Variants in AXDND1 observed in about 807,000 individuals in gnomAD.
AXDND1 encodes axonemal dynein light chain domain-containing protein 1.
A neutral mutation model predicts 137.5 loss-of-function variants in AXDND1; 110 were observed. The ratio of observed to expected loss-of-function variants is 0.80; its 90% CI spans 0.69 to 0.94. AXDND1 has a LOEUF of 0.94. Among genes scored for constraint, AXDND1 ranks in the 40% least tolerant of loss-of-function variants. The pLI, the probability that AXDND1 is intolerant of heterozygous loss-of-function variation, is 0.00. For missense variants in AXDND1, 1,191 were observed against 1,169.8 expected (o/e 1.02, Z -0.26); for synonymous variants, 414 against 399.7 (o/e 1.04, Z -0.43).
intron 16 of AXDND1, among the ~76,000 whole-genome samples, chr1:179,458,043 G>A (rs1661676126): frequency 1.4e-5 from 2 of 147,392 alleles, no homozygotes; most frequent in African/African-American, 5.1e-5. Context: ...AGGCCTGAGT[G>A]TAGTGGTATG....
At chr1:179,372,506 AG>A (rs1182202721) in intron 4 of AXDND1, among the ~76,000 whole-genome samples, 26 of 152,288 alleles carry the variant, frequency 1.7e-4, no homozygotes, top group South Asian at 1.0e-3. Flanking sequence ...CTGAAGAACG[AG>A]TTGGAGAATT....
At chr1:179,457,990 C>CTTTTTT (rs34295838) in intron 16 of AXDND1, among the ~76,000 whole-genome samples, 3,743 of 145,540 alleles carry the variant, frequency 0.026, 182 homozygotes, top group African/African-American at 0.09. Flanking sequence ...CTTTCCTTCT[C>CTTTTTT]TTTTTTTTTT....
At chr1:179,508,311 G>A (rs1240392797) in intron 20 of AXDND1, among the ~76,000 whole-genome samples, 1 of 146,418 alleles carries the variant, frequency 6.8e-6, no homozygotes, top group Admixed American at 7.0e-5. Flanking sequence ...ACTCTAGCCT[G>A]GGCAACAGAG....
At chr1:179,440,050 A>G (rs568907898) in intron 15 of AXDND1, among the ~76,000 whole-genome samples, 1 of 152,302 alleles carries the variant, frequency 6.6e-6, no homozygotes, top group East Asian at 1.9e-4. Flanking sequence ...TATCATTTGT[A>G]CCAGGAGTCA....
chr1:179,465,690 C>T (rs946158579), intron 16 of AXDND1, among the ~76,000 whole-genome samples: 2 of 152,212 alleles, frequency 1.3e-5, no homozygotes, highest in Non-Finnish European at 2.9e-5. Flanking sequence ...TTTCTGCTGC[C>T]TTTTGTTCAG....
intron 9 of AXDND1, among the ~76,000 whole-genome samples, chr1:179,389,221 C>G (rs1649737885): frequency 2.0e-5 from 3 of 152,162 alleles, no homozygotes; most frequent in Admixed American, 6.5e-5. Flanking sequence ...GGTCTGCCCA[C>G]TTCAGCCCCA....
chr1:179,506,956 AT>A, intron 20 of AXDND1: 1 of 938,950 alleles, frequency 1.1e-6, no homozygotes, highest in Non-Finnish European at 1.3e-6. Context: ...TTCCTTCCTT[AT>A]GGGGGGATCT....
chr1:179,520,767 C>T (rs9425845), intron 21 of AXDND1, among the ~76,000 whole-genome samples: 10 of 150,656 alleles, frequency 6.6e-5, no homozygotes, highest in South Asian at 4.2e-4. Context: ...TTATTTTGTA[C>T]GTTTCTTATT....
intron 20 of AXDND1, among the ~76,000 whole-genome samples, chr1:179,495,250 A>G (rs1667325638): frequency 1.3e-5 from 2 of 152,124 alleles, no homozygotes; most frequent in South Asian, 4.1e-4. Flanking sequence ...TGAGATTTTA[A>G]TTGATATTAT....
intron 25 of AXDND1, chr1:179,552,561 C>A: frequency 6.6e-7 from 1 of 1,507,484 alleles, no homozygotes; most frequent in South Asian, 1.1e-5. Context: ...CACGAGCAGG[C>A]CTTCCTAAAG....
intron 11 of AXDND1, among the ~76,000 whole-genome samples, chr1:179,409,949 C>T (rs1653605452): frequency 6.6e-6 from 1 of 151,548 alleles, no homozygotes; most frequent in Admixed American, 6.6e-5. Context: ...GAGATTGTTT[C>T]TGGATTTTTT....
chr1:179,501,035 A>G (rs1667946202), intron 20 of AXDND1, among the ~76,000 whole-genome samples: 1 of 152,234 alleles, frequency 6.6e-6, no homozygotes, highest in African/African-American at 2.4e-5. Flanking sequence ...AGTGCTTAAT[A>G]GTACATGTTG....
At chr1:179,482,688 TA>T (rs894952065) in intron 17 of AXDND1, among the ~76,000 whole-genome samples, 1 of 151,980 alleles carries the variant, frequency 6.6e-6, no homozygotes, top group Non-Finnish European at 1.5e-5. Context: ...TTAGAGGCTT[TA>T]AGTGGTGTAT....
chr1:179,534,736 T>G lies in AXDND1; in HGVS notation c.2805T>G (p.Val935=), dbSNP rs757133169. 1 of 1,576,274 alleles carries G rather than the reference T, an allele frequency of 6.3e-7. No individual in the cohort carries two copies. The highest frequency in any genetic ancestry group is 2.2e-5 in the East Asian group (1 of 44,652). Residue 935 remains valine, a synonymous_variant, in exon 25 of 26, where the codon GTT becomes GTG. Transcript: ENST00000367618. ...IEHMQEKLLE[V]ENRARQAEEK... ...GTCTTCTCTTCCATATCAGGGAGGTTGAAAATAGAGCCAGACAGGCAGAGG... is the reference window on the plus strand; with the variant it reads ...GTCTTCTCTTCCATATCAGGGAGGTGGAAAATAGAGCCAGACAGGCAGAGG...
At chr1:179,452,818 G>C (rs1285463650) in intron 16 of AXDND1, 5 of 151,824 alleles carry the variant, frequency 3.3e-5, no homozygotes. Flanking sequence ...GAGACCATGG[G>C]GAAAATGTCT....
chr1:179,457,397 A>G, intron 16 of AXDND1: 1 of 384,364 alleles, frequency 2.6e-6, no homozygotes, highest in South Asian at 4.5e-5. Context: ...CAGAAAGGCA[A>G]GACAGTTTTA....
chr1:179,521,926 A>AT (rs1371631342), intron 21 of AXDND1, among the ~76,000 whole-genome samples: 1 of 151,846 alleles, frequency 6.6e-6, no homozygotes, highest in Non-Finnish European at 1.5e-5. Flanking sequence ...TCTTCTCTCT[A>AT]TTTTTAAGGT....
At chr1:179,449,355 G>A (rs1660205764) in intron 16 of AXDND1, 1 of 294,150 alleles carries the variant, frequency 3.4e-6, no homozygotes, top group Non-Finnish European at 6.7e-6. Context: ...GGCTTATTTT[G>A]TAGTCTTAAG....
chr1:179,430,452 G>C lies in AXDND1; in HGVS notation c.1333G>C (p.Asp445His), dbSNP rs779215063. The change falls in exon 14 of 26, where the codon GAC (aspartate) becomes CAC (histidine). Residue 445 changes from aspartate to histidine, a missense_variant and splice_region_variant. Transcript: ENST00000367618. ...KHFIILLSNKDTEDLALLQKL... is the reference protein window; with the variant it reads ...KHFIILLSNKHTEDLALLQKL... Reference sequence around the variant, plus strand: ...ATTTGATTCTATGCATTTTATATAGGACACTGAAGACCTTGCACTGTTGCA... The same window carrying C: ...ATTTGATTCTATGCATTTTATATAGCACACTGAAGACCTTGCACTGTTGCA... 3 of 1,604,438 alleles carry C rather than the reference G, an allele frequency of 1.9e-6. No homozygotes were observed. The highest frequency in any genetic ancestry group is 2.5e-6 in the Non-Finnish European group (3 of 1,176,496).
Sources: allele counts gnomAD v4.1 joint callset (sites outside exome capture counted in the v4.1 genomes callset), GRCh38; gene constraint gnomAD v4.1.1; transcripts MANE v1.5; gene names NCBI Gene and HGNC (gene_info 2026-07-23, HGNC 2026-07-21).